PARM1: variants seen among roughly 807,000 people sequenced by gnomAD.
PARM1 encodes prostate androgen-regulated mucin-like protein 1, also known as WSC4, cell wall integrity and stress response component 4 homolog.
A neutral mutation model predicts 24.6 loss-of-function variants in PARM1; 14 were observed. The observed-to-expected ratio is 0.57, with a 90% CI of 0.38 to 0.89. The LOEUF is 0.89. Among genes scored for constraint, PARM1 ranks in the 40% least tolerant of loss-of-function variants. The pLI, the probability that PARM1 is intolerant of heterozygous loss-of-function variation, is 0.00. For missense variants in PARM1, 362 were observed against 380.4 expected (o/e 0.95, Z 0.40); for synonymous variants, 179 against 156.6 (o/e 1.14, Z -1.07).
At chr4:74,933,463 G>C in intron 1 of PARM1, 93 bp downstream of exon 1, 2 of 1,084,460 alleles carry the variant, frequency 1.8e-6, no homozygotes, top group Admixed American at 3.5e-5. Flanking sequence ...ATCCGGCAGT[G>C]AGTCGCCGCG....
At chr4:75,040,457 TA>T (rs1723460961) in intron 3 of PARM1, among the ~76,000 whole-genome samples, 2 of 152,218 alleles carry the variant, frequency 1.3e-5, no homozygotes, top group Non-Finnish European at 2.9e-5. Flanking sequence ...AAAAGGATTT[TA>T]AAAATAAATA....
At chr4:75,011,559 C>T (rs1244873139) in intron 1 of PARM1, among the ~76,000 whole-genome samples, 2 of 152,012 alleles carry the variant, frequency 1.3e-5, no homozygotes, top group Admixed American at 1.3e-4. Context: ...AGAGTACTGG[C>T]ACATAAAAGC....
Position 75,046,655 on chromosome 4 carries a change from T to G in PARM1, c.*408T>G, listed in dbSNP as rs1723609839. ...TCTATTTAGGAAATTACATTAAGTA[T>G]TAATGAGGGGAAAGGAAATGAGCTC... On this transcript the variant is annotated 3_prime_UTR_variant, in exon 4 of 4. Coordinates refer to ENST00000307428, the MANE Select transcript of PARM1 (RefSeq NM_015393.4). The G allele has an allele frequency of 5.9e-6, 1 of 170,528 alleles. No individual in the cohort carries two copies. The highest frequency in any genetic ancestry group is 1.3e-5 in the Non-Finnish European group (1 of 78,822). The allele number at this position is 170,528 out of a possible 1,614,324, so 10.6% of individuals were successfully genotyped here.
intron 1 of PARM1, among the ~76,000 whole-genome samples, chr4:74,941,323 A>C (rs1292405350): frequency 6.6e-6 from 1 of 152,186 alleles, no homozygotes; most frequent in East Asian, 1.9e-4. Context: ...AGGAAGTGTG[A>C]TATCAAATTA....
At chr4:75,045,396 A>T (rs969797880) in intron 3 of PARM1, among the ~76,000 whole-genome samples, 2 of 152,240 alleles carry the variant, frequency 1.3e-5, no homozygotes, top group African/African-American at 2.4e-5. Context: ...GAGGAGTGAT[A>T]ACAATCTGAT....
At chr4:75,032,081 T>C (rs944049309) in intron 2 of PARM1, among the ~76,000 whole-genome samples, 13 of 152,196 alleles carry the variant, frequency 8.5e-5, no homozygotes, top group Non-Finnish European at 1.2e-4. Context: ...TAATTCTGTC[T>C]TTACAATAGT....
At chr4:74,964,052 G>T (rs1376569880) in intron 1 of PARM1, among the ~76,000 whole-genome samples, 2 of 152,148 alleles carry the variant, frequency 1.3e-5, no homozygotes, top group East Asian at 3.8e-4. Flanking sequence ...CTAGGGAATG[G>T]TGCGTGGTGT....
intron 1 of PARM1, among the ~76,000 whole-genome samples, chr4:74,951,666 T>TA (rs1721525662): frequency 6.6e-6 from 1 of 152,138 alleles, no homozygotes; most frequent in South Asian, 2.1e-4. Context: ...AACTCCCACT[T>TA]ACGAGTGAGA....
At chr4:75,011,253 A>T (rs942999348) in intron 1 of PARM1, among the ~76,000 whole-genome samples, 2 of 152,198 alleles carry the variant, frequency 1.3e-5, no homozygotes, top group African/African-American at 2.4e-5. Flanking sequence ...AGTGACTATA[A>T]TGGCTCAGGG....
intron 1 of PARM1, among the ~76,000 whole-genome samples, chr4:74,981,570 C>G (rs940557455): frequency 6.6e-6 from 1 of 152,088 alleles, no homozygotes; most frequent in African/African-American, 2.4e-5. Flanking sequence ...GACAATGTAG[C>G]TATTCCTCAA....
intron 1 of PARM1, among the ~76,000 whole-genome samples, chr4:74,990,961 C>T (rs188801536): frequency 1.3e-5 from 2 of 151,990 alleles, no homozygotes; most frequent in Non-Finnish European, 2.9e-5. Context: ...AAGAGAAAGA[C>T]CAAAAGGATG....
At chr4:74,942,414 G>T (rs1261660670) in intron 1 of PARM1, among the ~76,000 whole-genome samples, 1 of 152,230 alleles carries the variant, frequency 6.6e-6, no homozygotes, top group East Asian at 1.9e-4. Flanking sequence ...TTTTGACTTA[G>T]TCAAAGGGAA....
At chr4:74,958,198 G>A (rs557378781) in intron 1 of PARM1, among the ~76,000 whole-genome samples, 30 of 152,302 alleles carry the variant, frequency 2.0e-4, no homozygotes, top group Admixed American at 1.6e-3. Flanking sequence ...TTGAAAGGGT[G>A]ATGACTCTTA....
At chr4:75,035,628 C>T (rs1723355122) in intron 3 of PARM1, among the ~76,000 whole-genome samples, 1 of 152,204 alleles carries the variant, frequency 6.6e-6, no homozygotes, top group Non-Finnish European at 1.5e-5. Flanking sequence ...ACTGGGAGCA[C>T]TTCCCTCCTC....
chr4:75,017,677 AGT>A (rs1723012900), intron 2 of PARM1, among the ~76,000 whole-genome samples: 1 of 150,790 alleles, frequency 6.6e-6, no homozygotes, highest in South Asian at 2.1e-4. Context: ...AGACAGAGTC[AGT>A]GTCTGTTTTC....
At chr4:75,036,032 G>A (rs1210720801) in intron 3 of PARM1, among the ~76,000 whole-genome samples, 4 of 152,016 alleles carry the variant, frequency 2.6e-5, no homozygotes, top group Non-Finnish European at 5.9e-5. Context: ...TGGGAACCTC[G>A]TTTCCATTTT....
intron 1 of PARM1, among the ~76,000 whole-genome samples, chr4:75,000,529 T>C (rs1324335820): frequency 2.6e-5 from 4 of 152,136 alleles, no homozygotes; most frequent in Admixed American, 6.5e-5. Context: ...CTAGACACAG[T>C]TGCGTTAAGG....
chr4:74,937,821 C>G (rs111995430), intron 1 of PARM1, among the ~76,000 whole-genome samples: 4 of 152,144 alleles, frequency 2.6e-5, no homozygotes, highest in Admixed American at 6.5e-5. Context: ...TCCAGCAAAC[C>G]AATGTGCAAA....
rs371999593 is a variant in PARM1 at position 74,969,133 on chromosome 4, C to T, written c.43+35763C>T. On this transcript the variant is annotated intron_variant, in intron 1 of 3. Transcript: ENST00000307428. ...AGGTGATGGTGTGTATACAGGGCTT[C>T]TCCTGGCAATGAGGGAGAGGGTGCG... Among the ~76,000 whole-genome samples, 39 of 152,272 alleles carry T rather than the reference C, an allele frequency of 2.6e-4. No individual in the cohort carries two copies. In the South Asian group the frequency reaches 6.6e-3, roughly 26 times the overall value.
Sources: gnomAD v4.1 joint callset for allele counts (sites outside exome capture counted in the v4.1 genomes callset) on GRCh38, gnomAD v4.1.1 for gene constraint, MANE v1.5 for transcripts, NCBI Gene and HGNC (gene_info 2026-07-23, HGNC 2026-07-21) for gene names.